The following SLC14A2 variants were observed in gnomAD, a reference collection of about 807,000 sequenced individuals.
SLC14A2 encodes the protein solute carrier family 14 member 2, also known as urea transporter 2.
SLC14A2 carries 91 observed loss-of-function variants against 104.6 expected under a neutral mutation model. That is an observed-to-expected ratio of 0.87 (90% CI 0.73 to 1.04). The LOEUF is 1.04. Ranked by LOEUF, SLC14A2 falls within the 50% of genes least tolerant of loss-of-function variation. SLC14A2 has a pLI of 0.00. For synonymous variants in SLC14A2, 476 were observed against 466.4 expected, an observed-to-expected ratio of 1.02 and a Z score of -0.27; for missense variants, 1,189 against 1,156.0, an observed-to-expected ratio of 1.03 and a Z score of -0.41.
chr18:45,170,331 G>A, the SLC14A2 span, among the ~76,000 whole-genome samples: 1 of 152,134 alleles, frequency 6.6e-6, no homozygotes. Context: ...GAGGTTCAAG[G>A]TGTCTTTGGG....
chr18:45,298,145 T>TAA (rs35633432), intron 1 of SLC14A2, among the ~76,000 whole-genome samples: 5,599 of 152,048 alleles, frequency 0.037, 150 homozygotes, highest in African/African-American at 0.072. Context: ...AGCATCTTTT[T>TAA]AAAAAAATAT....
chr18:45,587,942 G>A (rs958108573), intron 2 of SLC14A2, among the ~76,000 whole-genome samples: 12 of 152,126 alleles, frequency 7.9e-5, no homozygotes, highest in Non-Finnish European at 1.5e-4. Context: ...TTCATAACTA[G>A]AACAAACAAA....
chr18:45,418,093 T>A (rs1207451554), intron 1 of SLC14A2, among the ~76,000 whole-genome samples: 1 of 152,214 alleles, frequency 6.6e-6, no homozygotes, highest in Non-Finnish European at 1.5e-5. Flanking sequence ...TCCTTTGAAA[T>A]AAATGTATAT....
intron 2 of SLC14A2, among the ~76,000 whole-genome samples, chr18:45,543,340 A>T (rs1598985103): frequency 1.3e-5 from 2 of 152,218 alleles, no homozygotes; most frequent in South Asian, 2.1e-4. Context: ...AAAAATACAC[A>T]CATATATATA....
intron 1 of SLC14A2, among the ~76,000 whole-genome samples, chr18:45,477,875 G>A (rs2087414942): frequency 6.6e-6 from 1 of 152,324 alleles, no homozygotes; most frequent in East Asian, 1.9e-4. Flanking sequence ...AGACTGCTGT[G>A]CTGGCAGCAA....
chr18:45,248,566 G>A (rs1418185122), intron 1 of SLC14A2, among the ~76,000 whole-genome samples: 2 of 152,038 alleles, frequency 1.3e-5, no homozygotes, highest in Admixed American at 1.3e-4. Context: ...TCAATTTCCC[G>A]ACAAGCAGTT....
intron 1 of SLC14A2, among the ~76,000 whole-genome samples, chr18:45,426,596 C>CA (rs2086431666): frequency 6.7e-6 from 1 of 148,894 alleles, no homozygotes; most frequent in Admixed American, 6.8e-5. Flanking sequence ...TATATATACA[C>CA]ACATATATGT....
intron 2 of SLC14A2, among the ~76,000 whole-genome samples, chr18:45,536,073 A>T (rs551826043): frequency 2.2e-4 from 33 of 152,306 alleles, no homozygotes; most frequent in African/African-American, 7.7e-4. Context: ...TATGAAGAAC[A>T]TTGACTTCCT....
chr18:45,293,191 G>A (rs139922181), intron 1 of SLC14A2, among the ~76,000 whole-genome samples: 134 of 152,126 alleles, frequency 8.8e-4, no homozygotes, highest in Admixed American at 1.8e-3. Context: ...CTTTTTTGAC[G>A]TGCAAAACAC....
intron 1 of SLC14A2, among the ~76,000 whole-genome samples, chr18:45,317,289 A>G (rs1222461390): frequency 6.6e-6 from 1 of 152,198 alleles, no homozygotes; most frequent in Non-Finnish European, 1.5e-5. Flanking sequence ...CGCACATTAT[A>G]TCATGACATC....
chr18:45,449,269 A>G (rs1214976101), intron 1 of SLC14A2, among the ~76,000 whole-genome samples: 1 of 152,142 alleles, frequency 6.6e-6, no homozygotes, highest in Non-Finnish European at 1.5e-5. Flanking sequence ...ATAGATTGAG[A>G]CTTTCCAAAG....
intron 2 of SLC14A2, among the ~76,000 whole-genome samples, chr18:45,517,080 T>G (rs1265517648): frequency 6.6e-6 from 1 of 152,212 alleles, no homozygotes; most frequent in Non-Finnish European, 1.5e-5. Flanking sequence ...GCAGGGTCCC[T>G]GCTCTCCTGG....
intron 1 of SLC14A2, among the ~76,000 whole-genome samples, chr18:45,410,080 C>T (rs535030896): frequency 1.1e-4 from 17 of 152,276 alleles, no homozygotes; most frequent in Non-Finnish European, 1.8e-4. Context: ...CAACCTGGAG[C>T]CCTCCCATGC....
At chr18:45,442,368 C>T (rs2086694667) in intron 1 of SLC14A2, among the ~76,000 whole-genome samples, 1 of 152,108 alleles carries the variant, frequency 6.6e-6, no homozygotes, top group Non-Finnish European at 1.5e-5. Flanking sequence ...GAGTTCATTC[C>T]TTCTGAGACT....
intron 2 of SLC14A2, among the ~76,000 whole-genome samples, chr18:45,563,922 T>C (rs2044235362): frequency 6.6e-6 from 1 of 152,238 alleles, no homozygotes; most frequent in African/African-American, 2.4e-5. Context: ...ACATATGAGC[T>C]ATGAGATTTC....
chr18:45,264,233 T>C (rs755803941), intron 1 of SLC14A2, among the ~76,000 whole-genome samples: 2 of 152,206 alleles, frequency 1.3e-5, no homozygotes, highest in African/African-American at 2.4e-5. Flanking sequence ...TTTTTTGTTT[T>C]TATTGCTCAT....
At chr18:45,666,279 A>T in intron 12 of SLC14A2, 60 bp downstream of exon 12, 1 of 1,141,990 alleles carries the variant, frequency 8.8e-7, no homozygotes, top group Non-Finnish European at 1.3e-6. Flanking sequence ...CCCACAGCAG[A>T]TGAGGGAGCT....
rs186707259 is a variant in SLC14A2, at chr18:45,547,706, G to T, written c.-35+64384G>T. On this transcript the variant is annotated intron_variant, in intron 2 of 20. Transcript: ENST00000586448. ...GGAATGATAATGTCTAGGAGATGAT[G>T]AAATGAGATGATCTTCATGAAGGTG... is the stretch of plus-strand genomic sequence containing the variant. Among the ~76,000 whole-genome samples the T allele has an allele frequency of 2.2e-3, 331 of 152,294 alleles. 1 individual carries two copies. The highest frequency in any genetic ancestry group is 3.7e-3 in the Non-Finnish European group (251 of 68,006).
At chr18:45,320,958 CTA>C (rs777665796) in intron 1 of SLC14A2, among the ~76,000 whole-genome samples, 16 of 152,178 alleles carry the variant, frequency 1.1e-4, no homozygotes, top group Non-Finnish European at 1.2e-4. Context: ...CGAGTGGAAA[CTA>C]TGCGATTTCA....
Sources: allele counts gnomAD v4.1 joint callset (sites outside exome capture counted in the v4.1 genomes callset), GRCh38; gene constraint gnomAD v4.1.1; transcripts MANE v1.5; gene names NCBI Gene and HGNC (gene_info 2026-07-23, HGNC 2026-07-21).